Variants in SNX30 observed in about 807,000 individuals in gnomAD.
SNX30 encodes sorting nexin family member 30.
A neutral mutation model predicts 46.4 loss-of-function variants in SNX30; 24 were observed. The ratio of observed to expected loss-of-function variants is 0.52; its 90% CI spans 0.37 to 0.73. SNX30 has a LOEUF of 0.73. SNX30 is among the 30% of genes least tolerant of loss of function. The probability of loss-of-function intolerance (pLI) is 0.00; values close to 1 mark genes in which losing one functional copy is unlikely to be tolerated. For missense variants in SNX30, 533 were observed against 555.7 expected, an observed-to-expected ratio of 0.96 and a Z score of 0.41; for synonymous variants, 189 against 211.5, an observed-to-expected ratio of 0.89 and a Z score of 0.92.
chr9:112,811,646 TGA>T (rs1339899230), intron 2 of SNX30, among the ~76,000 whole-genome samples: 1 of 152,182 alleles, frequency 6.6e-6, no homozygotes, highest in Non-Finnish European at 1.5e-5. Context: ...ATAGCAAAAA[TGA>T]GCCTTCTTGA....
downstream of SNX30, among the ~76,000 whole-genome samples, chr9:112,884,638 G>T (rs1188032117): frequency 6.6e-6 from 1 of 152,170 alleles, no homozygotes; most frequent in Non-Finnish European, 1.5e-5. Context: ...TTTAAAATCT[G>T]GCTTTGTTTG....
chr9:112,791,235 C>G (rs919836322), intron 1 of SNX30, among the ~76,000 whole-genome samples: 1 of 151,996 alleles, frequency 6.6e-6, no homozygotes, highest in Non-Finnish European at 1.5e-5. Context: ...CCCCTGGCAA[C>G]CAAGTCTGCT....
At chr9:112,824,353 C>CAT (rs1227783068) in intron 3 of SNX30, among the ~76,000 whole-genome samples, 1 of 152,026 alleles carries the variant, frequency 6.6e-6, no homozygotes, top group African/African-American at 2.4e-5. Context: ...CAGGATCCAA[C>CAT]ATATATATGT....
chr9:112,811,090 A>G (rs1201565925), intron 2 of SNX30, among the ~76,000 whole-genome samples: 4 of 152,186 alleles, frequency 2.6e-5, no homozygotes, highest in African/African-American at 7.2e-5. Context: ...TCTTCCAGAG[A>G]GCTTGGCAGA....
At chr9:112,812,437 G>A (rs1005462940) in intron 2 of SNX30, among the ~76,000 whole-genome samples, 4 of 152,110 alleles carry the variant, frequency 2.6e-5, no homozygotes, top group African/African-American at 9.7e-5. Flanking sequence ...TGTGTTTTTA[G>A]TAGAGATGGG....
At position 112,834,882 on chromosome 9, in the gene SNX30, A is replaced by ACACACACACACACACACACC. The variant is rs56385707; in HGVS notation, c.619-1331_619-1330insACACACACACACACACACCC. Among the ~76,000 whole-genome samples, 344 of 105,298 alleles carry ACACACACACACACACACACC rather than the reference A, an allele frequency of 3.3e-3. 5 individuals are homozygous for ACACACACACACACACACACC. The highest frequency in any genetic ancestry group is 8.7e-3 in the African/African-American group (294 of 33,734). The allele number at this position is 105,298 out of a possible 152,430, so 69.1% of individuals were successfully genotyped here. ...CACACACACACACACACACACACAC[A>ACACACACACACACACACACC]CCTACCTCAATAGGAAAGGCTGGAT... is the stretch of plus-strand genomic sequence containing the variant. On this transcript the variant is annotated intron_variant, in intron 4 of 8. Transcript: ENST00000374232.
intron 6 of SNX30, among the ~76,000 whole-genome samples, chr9:112,844,437 A>C (rs1220700650): frequency 6.6e-6 from 1 of 152,096 alleles, no homozygotes; most frequent in Non-Finnish European, 1.5e-5. Context: ...TGGTGTTTAA[A>C]TCTCTGAGAC....
chr9:112,842,971 A>C (rs1050076802), intron 6 of SNX30, among the ~76,000 whole-genome samples: 1 of 152,234 alleles, frequency 6.6e-6, no homozygotes, highest in African/African-American at 2.4e-5. Context: ...CCTCGCAGAC[A>C]TCCACAGGTG....
chr9:112,814,107 G>C (rs994748943), intron 2 of SNX30, among the ~76,000 whole-genome samples: 1 of 152,162 alleles, frequency 6.6e-6, no homozygotes, highest in Non-Finnish European at 1.5e-5. Context: ...GTAGCATAAA[G>C]GGCAAATATG....
chr9:112,822,531 G>GTCTTTTTT (rs1840516967), intron 3 of SNX30, among the ~76,000 whole-genome samples: 1 of 34,410 alleles, frequency 2.9e-5, no homozygotes, highest in African/African-American at 7.8e-5. Context: ...TCCCTTTGCT[G>GTCTTTTTT]TTTTGTTTTG....
intron 6 of SNX30, among the ~76,000 whole-genome samples, chr9:112,845,294 A>G (rs1422922169): frequency 6.6e-6 from 1 of 152,198 alleles, no homozygotes; most frequent in Non-Finnish European, 1.5e-5. Flanking sequence ...AAATGACTCA[A>G]GCTGATTTTG....
intron 1 of SNX30, among the ~76,000 whole-genome samples, chr9:112,791,526 C>T: frequency 6.8e-6 from 1 of 146,738 alleles, no homozygotes. Context: ...ATTCTCCTGC[C>T]TCAGTCTCCC....
chr9:112,839,529 G>A (rs906304004), intron 6 of SNX30, among the ~76,000 whole-genome samples: 5 of 152,204 alleles, frequency 3.3e-5, no homozygotes, highest in African/African-American at 1.2e-4. Flanking sequence ...GGAGTAGAGT[G>A]CAGGAGGAAA....
At chr9:112,794,986 G>T (rs1245013402) in intron 1 of SNX30, among the ~76,000 whole-genome samples, 1 of 152,186 alleles carries the variant, frequency 6.6e-6, no homozygotes. Flanking sequence ...CTATGTAGTT[G>T]TAACTCTTCA....
At chr9:112,759,791 C>T (rs1183935917) in intron 1 of SNX30, among the ~76,000 whole-genome samples, 1 of 152,028 alleles carries the variant, frequency 6.6e-6, no homozygotes, top group Non-Finnish European at 1.5e-5. Flanking sequence ...CTCAGCCCCA[C>T]CACTTAGAGT....
intron 3 of SNX30, among the ~76,000 whole-genome samples, chr9:112,826,971 C>T (rs10120988): frequency 0.46 from 70,291 of 152,064 alleles, 18,632 homozygotes; most frequent in African/African-American, 0.73. Flanking sequence ...CTGGGTGTCA[C>T]ACGTGGACAT....
At chr9:112,784,553 G>A (rs1038341046) in intron 1 of SNX30, among the ~76,000 whole-genome samples, 21 of 152,084 alleles carry the variant, frequency 1.4e-4, no homozygotes, top group African/African-American at 4.6e-4. Flanking sequence ...ACCCCTTGGC[G>A]ATTTTGCTGA....
At chr9:112,857,201 T>C (rs1841145632) in intron 7 of SNX30, among the ~76,000 whole-genome samples, 1 of 152,116 alleles carries the variant, frequency 6.6e-6, no homozygotes, top group Admixed American at 6.5e-5. Context: ...CTGCTCCTCA[T>C]CTCATGCCCT....
At chr9:112,846,432 T>C in intron 6 of SNX30, among the ~76,000 whole-genome samples, 1 of 152,172 alleles carries the variant, frequency 6.6e-6, no homozygotes. Flanking sequence ...CTGGTTTCCA[T>C]AGAATGAATA....
Sources: allele counts gnomAD v4.1 joint callset (sites outside exome capture counted in the v4.1 genomes callset), GRCh38; gene constraint gnomAD v4.1.1; transcripts MANE v1.5; gene names NCBI Gene and HGNC (gene_info 2026-07-23, HGNC 2026-07-21).